Variants in MLC1 observed in about 807,000 individuals in gnomAD.
MLC1 encodes modulator of VRAC current 1.
Under a neutral mutation model 44.7 loss-of-function variants are expected in MLC1, and 32 were observed. That is an observed-to-expected ratio of 0.72 (90% CI 0.54 to 0.96). The LOEUF (loss-of-function observed/expected upper bound fraction) is 0.96, where lower values mean the gene tolerates loss of function less well. Among genes scored for constraint, MLC1 ranks in the 40% least tolerant of loss-of-function variants. MLC1 has a pLI of 0.00. For synonymous variants in MLC1, 190 were observed against 213.0 expected (o/e 0.89, Z 0.94); for missense variants, 459 against 492.2 (o/e 0.93, Z 0.64).
chr22:50,075,381 G>A (rs1291315362), intron 7 of MLC1, among the ~76,000 whole-genome samples: 1 of 152,194 alleles, frequency 6.6e-6, no homozygotes, highest in Non-Finnish European at 1.5e-5. Flanking sequence ...GCCAGGCCTT[G>A]CGTCCAGAAG....
intron 10 of MLC1, among the ~76,000 whole-genome samples, chr22:50,064,704 G>C (rs1300739714): frequency 6.6e-6 from 1 of 152,172 alleles, no homozygotes; most frequent in East Asian, 1.9e-4. Context: ...GCAGCGCGGT[G>C]AGCTCGGCAG....
rs565083171 is a variant in MLC1, at chr22:50,084,102, G to A, written c.177+624C>T. On this transcript the variant is annotated intron_variant, in intron 2 of 11. Coordinates refer to ENST00000311597, the MANE Select transcript of MLC1 (RefSeq NM_015166.4). ...TTCTCAGCCCAAGCTACACGGAACC[G>A]GGGGTCCCTGCATAGAGGCCTGTCC... 1.8e-3 allele frequency among the ~76,000 whole-genome samples: 276 copies of A among 152,262 alleles called. 1 individual carries two copies. Among genetic ancestry groups the A allele is most frequent in the Non-Finnish European group, 3.5e-3 (239 of 67,994 alleles).
chr22:50,084,356 C>T (rs184470257), intron 2 of MLC1, among the ~76,000 whole-genome samples: 2 of 152,272 alleles, frequency 1.3e-5, no homozygotes, highest in East Asian at 3.9e-4. Context: ...CTGTGAGGGC[C>T]GACCTGAAGG....
At chr22:50,065,320 C>T (rs1257791723) in intron 10 of MLC1, among the ~76,000 whole-genome samples, 3 of 151,810 alleles carry the variant, frequency 2.0e-5, no homozygotes, top group Admixed American at 6.6e-5. Flanking sequence ...CTTTGCTCTT[C>T]GGTTGTTGAG....
chr22:50,068,385 C>T (rs772753520), intron 10 of MLC1, 48 bp downstream of exon 10: 170 of 1,606,610 alleles, frequency 1.1e-4, no homozygotes, highest in Middle Eastern at 3.3e-4. Context: ...CAGGCCAACA[C>T]GCAGAGCACC....
At chr22:50,080,155 C>T (rs1602050868) in intron 4 of MLC1, 136 bp from the exon 5 acceptor site, 1 of 1,032,648 alleles carries the variant, frequency 9.7e-7, no homozygotes, top group African/African-American at 1.6e-5. Context: ...GCGTGCTCAG[C>T]CCGCTCTCCC....
chr22:50,066,690 G>A (rs918515306), intron 10 of MLC1, among the ~76,000 whole-genome samples: 1 of 151,836 alleles, frequency 6.6e-6, no homozygotes, highest in Non-Finnish European at 1.5e-5. Context: ...GTACAGAATA[G>A]TGATTCTAGT....
intron 1 of MLC1, 122 bp downstream of exon 1, chr22:50,085,233 G>A: frequency 8.1e-7 from 1 of 1,230,950 alleles, no homozygotes; most frequent in East Asian, 4.8e-5. Context: ...ACATCCATCG[G>A]CAACTTCGTC....
chr22:50,072,376 C>T (rs117165126), intron 8 of MLC1, among the ~76,000 whole-genome samples: 5,086 of 152,320 alleles, frequency 0.033, 118 homozygotes, highest in Non-Finnish European at 0.051. Context: ...TCTGCCGCAC[C>T]CAGGCCAGAC....
chr22:50,062,061 C>T (rs1341877702), intron 11 of MLC1, among the ~76,000 whole-genome samples: 1 of 151,998 alleles, frequency 6.6e-6, no homozygotes, highest in Admixed American at 6.5e-5. Context: ...CCCCAGCTGT[C>T]CACCCTGAGC....
intron 5 of MLC1, among the ~76,000 whole-genome samples, chr22:50,077,764 G>A (rs1477707358): frequency 6.6e-6 from 1 of 152,170 alleles, no homozygotes; most frequent in African/African-American, 2.4e-5. Context: ...TTGGCCTTGG[G>A]CTCTGGTCTA....
At chr22:50,081,048 A>AGAAAGAAAGAAAGAAT (rs2062124079) in intron 3 of MLC1, among the ~76,000 whole-genome samples, 1 of 139,928 alleles carries the variant, frequency 7.1e-6, no homozygotes, top group Non-Finnish European at 1.5e-5. Context: ...AAAGAAAGAA[A>AGAAAGAAAGAAAGAAT]GAAAGAAAGA....
chr22:50,076,062 G>A (rs887192394), intron 7 of MLC1, among the ~76,000 whole-genome samples: 1 of 152,146 alleles, frequency 6.6e-6, no homozygotes, highest in Admixed American at 6.5e-5. Flanking sequence ...GGGAAGGAGG[G>A]AAAAAGGCAA....
chr22:50,061,956 C>T (rs373650583), intron 11 of MLC1, among the ~76,000 whole-genome samples: 1 of 152,192 alleles, frequency 6.6e-6, no homozygotes, highest in Non-Finnish European at 1.5e-5. Context: ...GGGGGGAGGC[C>T]GCCCAAGGTT....
rs899548795 is a variant in MLC1, at chr22:50,083,910, G to A, written c.178-737C>T. 1.3e-4 allele frequency among the ~76,000 whole-genome samples: 20 copies of A among 152,068 alleles called. No individual in the cohort carries two copies. The highest frequency in any genetic ancestry group is 2.8e-4 in the Non-Finnish European group (19 of 67,998). ...GTGGAGGAGGGCAGAGCCCGGAGAT[G>A]GCCACCACCACCCGGGAGCCGCCTC... On this transcript the variant is annotated intron_variant, in intron 2 of 11. Coordinates refer to ENST00000311597, the MANE Select transcript of MLC1 (RefSeq NM_015166.4). This position sits in a 1 kb window ranked among gnomAD's most constrained non-coding sequence, Gnocchi z 4.6.
intron 3 of MLC1, among the ~76,000 whole-genome samples, chr22:50,081,055 A>AAGAAAGAAAGAAAGAAAGAG (rs1569250951): frequency 6.6e-6 from 1 of 151,696 alleles, no homozygotes; most frequent in Non-Finnish European, 1.5e-5. Context: ...GAAAGAAAGA[A>AAGAAAGAAAGAAAGAAAGAG]AGAGGAGGTC....
intron 8 of MLC1, among the ~76,000 whole-genome samples, chr22:50,073,255 G>A (rs1000022542): frequency 1.3e-5 from 2 of 152,256 alleles, no homozygotes; most frequent in South Asian, 2.1e-4. Flanking sequence ...GTACATAAGA[G>A]AGCAGGGGCA....
chr22:50,083,583 T>A lies in MLC1; in HGVS notation c.178-410A>T, dbSNP rs2062203483. ...AAACAACTGCCCATCCCCCTCCGTC[T>A]GCAGAACCTAATTTCCAGATCTGGA... On this transcript the variant is annotated intron_variant, in intron 2 of 11. Coordinates refer to ENST00000311597, the MANE Select transcript of MLC1 (RefSeq NM_015166.4). The surrounding 1 kb of genome is among the most constrained non-coding windows in gnomAD (Gnocchi z 4.6). 6.6e-6 allele frequency among the ~76,000 whole-genome samples: 1 copy of A among 152,224 alleles called. No homozygotes were observed. Among genetic ancestry groups the A allele is most frequent in the South Asian group, 2.1e-4 (1 of 4,832 alleles).
chr22:50,063,392 G>T (rs1368167418), intron 11 of MLC1, among the ~76,000 whole-genome samples: 1 of 149,482 alleles, frequency 6.7e-6, no homozygotes, highest in Non-Finnish European at 1.5e-5. Context: ...AGAATTGCTT[G>T]AACCCAGGAG....
Sources: gnomAD v4.1 joint callset for allele counts (sites outside exome capture counted in the v4.1 genomes callset) on GRCh38, gnomAD v4.1.1 for gene constraint, Gnocchi (gnomAD v3.1) non-coding constraint, MANE v1.5 for transcripts, NCBI Gene and HGNC (gene_info 2026-07-23, HGNC 2026-07-21) for gene names.